Variants in SUGCT observed in about 807,000 individuals in gnomAD.
SUGCT encodes the protein succinyl-CoA:glutarate-CoA transferase, also known as succinyl-CoA:glutarate CoA-transferase.
A neutral mutation model predicts 55.0 loss-of-function variants in SUGCT; 41 were observed. The ratio of observed to expected loss-of-function variants is 0.74; its 90% CI spans 0.58 to 0.97. SUGCT has a LOEUF of 0.97. SUGCT is among the 50% of genes least tolerant of loss of function. SUGCT has a pLI of 0.00. For synonymous variants in SUGCT, 187 were observed against 200.4 expected, an observed-to-expected ratio of 0.93 and a Z score of 0.56; for missense variants, 568 against 547.8, an observed-to-expected ratio of 1.04 and a Z score of -0.37.
chr7:40,717,830 T>C (rs994448713), intron 12 of SUGCT, among the ~76,000 whole-genome samples: 1 of 152,132 alleles, frequency 6.6e-6, no homozygotes, highest in African/African-American at 2.4e-5. Context: ...TAGTTATAGA[T>C]ATATAGATAT....
chr7:40,948,525 A>G, the SUGCT span, among the ~76,000 whole-genome samples: 2 of 152,100 alleles, frequency 1.3e-5, no homozygotes, highest in Non-Finnish European at 2.9e-5. Context: ...TTACGTAGGT[A>G]TACACATGCC....
chr7:40,751,008 C>A (rs369670208), intron 13 of SUGCT, among the ~76,000 whole-genome samples: 60 of 152,250 alleles, frequency 3.9e-4, no homozygotes, highest in African/African-American at 1.3e-3. Flanking sequence ...TAACAACCAA[C>A]AAATGTTTCT....
At chr7:40,170,499 T>A (rs1184107228) in intron 1 of SUGCT, among the ~76,000 whole-genome samples, 1 of 152,144 alleles carries the variant, frequency 6.6e-6, no homozygotes, top group Non-Finnish European at 1.5e-5. Flanking sequence ...GGGGGAACAT[T>A]TTCTATCTGA....
chr7:40,892,379 A>T, the SUGCT span, among the ~76,000 whole-genome samples: 1 of 152,224 alleles, frequency 6.6e-6, no homozygotes, highest in African/African-American at 2.4e-5. Context: ...ATAAAGAGAC[A>T]GAAATCAAAT....
At chr7:40,326,820 A>G (rs770950879) in intron 9 of SUGCT, among the ~76,000 whole-genome samples, 14 of 152,216 alleles carry the variant, frequency 9.2e-5, no homozygotes, top group Non-Finnish European at 1.6e-4. Flanking sequence ...AGAAGCCCAC[A>G]AGATGGGAAC....
At chr7:40,674,625 A>C (rs1338113054) in intron 12 of SUGCT, among the ~76,000 whole-genome samples, 1 of 152,230 alleles carries the variant, frequency 6.6e-6, no homozygotes, top group African/African-American at 2.4e-5. Flanking sequence ...CATCCATGAA[A>C]AATAAAACAG....
At position 40,666,695 on chromosome 7, in the gene SUGCT, G is replaced by A. The variant is rs189103033; in HGVS notation, c.1090-82739G>A. On this transcript the variant is annotated intron_variant, in intron 12 of 13. Coordinates refer to ENST00000335693, the MANE Select transcript of SUGCT (RefSeq NM_001193313.2). The stretch of plus-strand genomic sequence containing the variant: ...TAATACATTTATGTTCCATGTGTTC[G>A]TATGATTTCCCCCAACACTGCATAG... 6.6e-5 allele frequency among the ~76,000 whole-genome samples: 10 copies of A among 152,046 alleles called. No homozygotes were observed. The East Asian group carries it at 1.7e-3, about 27-fold the overall frequency.
At chr7:40,598,798 T>C (rs1798153238) in intron 12 of SUGCT, among the ~76,000 whole-genome samples, 1 of 152,204 alleles carries the variant, frequency 6.6e-6, no homozygotes, top group African/African-American at 2.4e-5. Context: ...ACACAGGATC[T>C]GTGTAGATAG....
chr7:40,872,042 A>G, the SUGCT span, among the ~76,000 whole-genome samples: 1 of 152,048 alleles, frequency 6.6e-6, no homozygotes, highest in Non-Finnish European at 1.5e-5. Flanking sequence ...GGGGAGAAGG[A>G]TTGCTACTGG....
At chr7:40,275,962 G>C (rs1384087269) in intron 8 of SUGCT, among the ~76,000 whole-genome samples, 1 of 152,072 alleles carries the variant, frequency 6.6e-6, no homozygotes, top group Non-Finnish European at 1.5e-5. Context: ...ATTTTACTGT[G>C]GGAAAAACTA....
At chr7:40,231,214 C>T (rs889616131) in intron 6 of SUGCT, among the ~76,000 whole-genome samples, 95 of 152,316 alleles carry the variant, frequency 6.2e-4, no homozygotes, top group African/African-American at 2.2e-3. Flanking sequence ...AGGTTTATCT[C>T]TGTCCTATAG....
chr7:40,733,689 T>A (rs1011638985), intron 12 of SUGCT, among the ~76,000 whole-genome samples: 1 of 152,208 alleles, frequency 6.6e-6, no homozygotes, highest in African/African-American at 2.4e-5. Context: ...GTCACTTGAT[T>A]GTTCCCTGTG....
chr7:41,036,740 A>G, the SUGCT span, among the ~76,000 whole-genome samples: 1 of 152,182 alleles, frequency 6.6e-6, no homozygotes, highest in East Asian at 1.9e-4. Flanking sequence ...AAACTTCCTC[A>G]GGCTCAAACA....
At chr7:40,261,858 T>C (rs1791242372) in intron 7 of SUGCT, among the ~76,000 whole-genome samples, 1 of 152,246 alleles carries the variant, frequency 6.6e-6, no homozygotes, top group African/African-American at 2.4e-5. Context: ...TGCAGAAAAC[T>C]GTAGCACAGA....
At chr7:40,350,469 A>C (rs1583485652) in intron 9 of SUGCT, among the ~76,000 whole-genome samples, 1 of 149,938 alleles carries the variant, frequency 6.7e-6, no homozygotes, top group Non-Finnish European at 1.5e-5. Context: ...GACCACCGCC[A>C]CACCTGGCTA....
intron 9 of SUGCT, among the ~76,000 whole-genome samples, chr7:40,354,178 TAAGGCTTCA>T (rs1454358922): frequency 6.6e-6 from 1 of 152,176 alleles, no homozygotes; most frequent in African/African-American, 2.4e-5. Flanking sequence ...TATTGTTAAA[TAAGGCTTCA>T]AAGACATGCA....
intron 9 of SUGCT, among the ~76,000 whole-genome samples, chr7:40,324,067 A>C (rs574909853): frequency 5.9e-5 from 9 of 151,338 alleles, no homozygotes; most frequent in African/African-American, 2.2e-4. Flanking sequence ...TCTCTACTGT[A>C]CCTCCCAAAC....
chr7:40,235,370 C>T (rs921808686), intron 6 of SUGCT, among the ~76,000 whole-genome samples: 40 of 152,238 alleles, frequency 2.6e-4, no homozygotes, highest in African/African-American at 9.6e-4. Flanking sequence ...CTCTATTGCC[C>T]AGGCTGGAGT....
chr7:40,954,260 G>T, the SUGCT span, among the ~76,000 whole-genome samples: 1 of 152,208 alleles, frequency 6.6e-6, no homozygotes, highest in Non-Finnish European at 1.5e-5. Context: ...CCAGGCGTGG[G>T]ATATAATCTC....
Sources: allele counts gnomAD v4.1 joint callset (sites outside exome capture counted in the v4.1 genomes callset), GRCh38; gene constraint gnomAD v4.1.1; transcripts MANE v1.5; gene names NCBI Gene and HGNC (gene_info 2026-07-23, HGNC 2026-07-21).